NDRG3: variants seen among roughly 807,000 people sequenced by gnomAD.
NDRG3 encodes the protein protein NDRG3.
In NDRG3, 23 loss-of-function variants were observed where a neutral mutation model predicts 57.2. The observed-to-expected ratio is 0.40, with a 90% CI of 0.29 to 0.57. The LOEUF is 0.57. Among genes scored for constraint, NDRG3 ranks in the 20% least tolerant of loss-of-function variants. The pLI is 0.42. For synonymous variants in NDRG3, 132 were observed against 162.6 expected (o/e 0.81, Z 1.43); for missense variants, 384 against 457.3 (o/e 0.84, Z 1.46).
chr20:36,726,646 A>T (rs1016575433), intron 1 of NDRG3, among the ~76,000 whole-genome samples: 2 of 152,212 alleles, frequency 1.3e-5, no homozygotes, highest in African/African-American at 2.4e-5. Flanking sequence ...GATCCCATAC[A>T]GGTACTAAAA....
At chr20:36,723,659 AGTGT>A (rs36022065) in intron 1 of NDRG3, among the ~76,000 whole-genome samples, 4,439 of 132,882 alleles carry the variant, frequency 0.033, 90 homozygotes, top group Middle Eastern at 0.056. Flanking sequence ...ATATTAGTCT[AGTGT>A]GTGTGTGTGT....
At chr20:36,687,653 A>G in intron 4 of NDRG3, 41 bp from the exon 5 acceptor site, 5 of 1,590,302 alleles carry the variant, frequency 3.1e-6, no homozygotes, top group Non-Finnish European at 4.3e-6. Flanking sequence ...GGCTCTCCAT[A>G]TCGCCCCAAT....
At chr20:36,745,971 GC>G in intron 1 of NDRG3, 73 bp downstream of exon 1, 1 of 317,520 alleles carries the variant, frequency 3.1e-6, no homozygotes, top group Non-Finnish European at 5.8e-6. Context: ...CGGGGAAGGA[GC>G]AGGGCAAAGG....
rs1407602524 is a variant in NDRG3 at position 36,653,915 on chromosome 20, C to T, written c.947-214G>A. Among the ~76,000 whole-genome samples, 1 of 152,180 alleles carries T rather than the reference C, an allele frequency of 6.6e-6. No homozygotes were observed. On this transcript the variant is annotated intron_variant, in intron 15 of 15. Coordinates refer to ENST00000349004, the MANE Select transcript of NDRG3 (RefSeq NM_032013.4). This position sits in a 1 kb window ranked among gnomAD's most constrained non-coding sequence, Gnocchi z 4.2. ...CCTTTAGATCTGGTTGGAATCTCAGCTGATTGTAGTCACCGCAGAACAAGG... is the reference window on the plus strand; with the variant it reads ...CCTTTAGATCTGGTTGGAATCTCAGTTGATTGTAGTCACCGCAGAACAAGG...
Position 36,687,547 on chromosome 20 carries a change from C to G in NDRG3, c.265G>C (p.Val89Leu), listed in dbSNP as rs1449202190. The G allele has an allele frequency of 1.9e-6, 3 of 1,614,078 alleles. No homozygotes were observed. In the South Asian group the frequency reaches 3.3e-5, roughly 18 times the overall value. The change falls in exon 5 of 16, where the codon GTC becomes CTC. Residue 89 changes from valine to leucine, a missense_variant. Val to Leu is a conservative substitution (Grantham distance 32). Coordinates refer to ENST00000349004, the MANE Select transcript of NDRG3 (RefSeq NM_032013.4). ...DMQEITQHFA[V>L]CHVDAPGQQE... ...TGGCCTGGGGCATCCACATGACAGA[C>G]AGCAAAGTGCTGGGTGATCTCTTGC...
chr20:36,658,280 C>T (rs185982933), intron 13 of NDRG3, among the ~76,000 whole-genome samples: 2,972 of 152,136 alleles, frequency 0.02, 44 homozygotes, highest in Non-Finnish European at 0.03. Context: ...TACAGGTGCC[C>T]AGCATCATGC....
intron 8 of NDRG3, among the ~76,000 whole-genome samples, chr20:36,673,963 C>T (rs1672339662): frequency 6.6e-6 from 1 of 151,764 alleles, no homozygotes; most frequent in Non-Finnish European, 1.5e-5. Flanking sequence ...ATTAGCTGGG[C>T]GTGGTGGCAC....
At chr20:36,660,014 C>T (rs1979021218) in intron 13 of NDRG3, among the ~76,000 whole-genome samples, 1 of 151,838 alleles carries the variant, frequency 6.6e-6, no homozygotes, top group South Asian at 2.1e-4. Context: ...CGAGACCACC[C>T]TGGCTAACAC....
At chr20:36,715,519 T>C (rs1200917390) in intron 2 of NDRG3, among the ~76,000 whole-genome samples, 1 of 151,982 alleles carries the variant, frequency 6.6e-6, no homozygotes, top group East Asian at 1.9e-4. Context: ...GTTTTTTTTT[T>C]TTTTAAACAA....
chr20:36,661,949 A>G (rs919002197), intron 12 of NDRG3, among the ~76,000 whole-genome samples: 1 of 152,220 alleles, frequency 6.6e-6, no homozygotes, highest in Non-Finnish European at 1.5e-5. Context: ...TTTGCTCTAT[A>G]CAAAGGACAA....
At chr20:36,709,718 G>GGATA (rs1425865056) in intron 2 of NDRG3, among the ~76,000 whole-genome samples, 1 of 152,188 alleles carries the variant, frequency 6.6e-6, no homozygotes, top group Non-Finnish European at 1.5e-5. Context: ...TCATGGATTA[G>GGATA]GATAGATGGT....
rs540054330 is a variant in NDRG3 at position 36,722,739 on chromosome 20, C to T, written c.-48-956G>A. On this transcript the variant is annotated intron_variant, in intron 1 of 15. Transcript: ENST00000349004. Reference sequence around the variant, plus strand: ...TAGTCAGCTCCAAGATGGCCTTCAACGAGCCCAGTGATCCCTGACTCCTGA... The same window carrying T: ...TAGTCAGCTCCAAGATGGCCTTCAATGAGCCCAGTGATCCCTGACTCCTGA... 2.0e-5 allele frequency among the ~76,000 whole-genome samples: 3 copies of T among 152,276 alleles called. No homozygotes were observed. In the South Asian group the frequency reaches 6.2e-4, roughly 32 times the overall value.
At chr20:36,712,618 C>T (rs377501405) in intron 2 of NDRG3, among the ~76,000 whole-genome samples, 6 of 14,428 alleles carry the variant, frequency 4.2e-4, no homozygotes, top group East Asian at 3.8e-3. Context: ...TTTTTTGAGA[C>T]GGAGTCTTGA....
intron 8 of NDRG3, among the ~76,000 whole-genome samples, chr20:36,678,179 C>T (rs968734826): frequency 6.6e-6 from 1 of 152,172 alleles, no homozygotes; most frequent in South Asian, 2.1e-4. Context: ...TGGAGTGATT[C>T]ATTCATTTCA....
intron 6 of NDRG3, among the ~76,000 whole-genome samples, chr20:36,683,544 G>A (rs1216343569): frequency 6.6e-6 from 1 of 151,914 alleles, no homozygotes; most frequent in Non-Finnish European, 1.5e-5. Flanking sequence ...TTGAACCCAG[G>A]AGGCAGAGGC....
At chr20:36,677,533 T>A (rs571439249) in intron 8 of NDRG3, among the ~76,000 whole-genome samples, 1 of 152,136 alleles carries the variant, frequency 6.6e-6, no homozygotes, top group Admixed American at 6.5e-5. Context: ...GTAGAGACAC[T>A]GGACAACCAG....
intron 1 of NDRG3, among the ~76,000 whole-genome samples, chr20:36,733,560 T>C (rs1985452537): frequency 6.6e-6 from 1 of 151,988 alleles, no homozygotes; most frequent in East Asian, 1.9e-4. Flanking sequence ...CCGTCTCTAC[T>C]AAATATACAA....
At chr20:36,724,682 C>T (rs1482564954) in intron 1 of NDRG3, among the ~76,000 whole-genome samples, 1 of 152,180 alleles carries the variant, frequency 6.6e-6, no homozygotes, top group African/African-American at 2.4e-5. Context: ...AATCCCAGCA[C>T]TTTGGGAGGC....
At chr20:36,654,429 A>G (rs1460175533) in intron 15 of NDRG3, among the ~76,000 whole-genome samples, 1 of 152,184 alleles carries the variant, frequency 6.6e-6, no homozygotes, top group Non-Finnish European at 1.5e-5. Context: ...AAAAGGTGCT[A>G]TCATCTGCAG....
Sources: gnomAD v4.1 joint callset for allele counts (sites outside exome capture counted in the v4.1 genomes callset) on GRCh38, gnomAD v4.1.1 for gene constraint, Gnocchi (gnomAD v3.1) non-coding constraint, MANE v1.5 for transcripts, NCBI Gene and HGNC (gene_info 2026-07-23, HGNC 2026-07-21) for gene names.